GDPD4: variants seen among roughly 807,000 people sequenced by gnomAD.
The protein encoded by GDPD4 is glycerophosphodiester phosphodiesterase domain containing 4.
GDPD4 carries 60 observed loss-of-function variants against 67.8 expected under a neutral mutation model. The ratio of observed to expected loss-of-function variants is 0.88; its 90% CI spans 0.72 to 1.10. GDPD4 has a LOEUF of 1.10. GDPD4 is among the 50% of genes least tolerant of loss of function. The pLI is 0.00. For missense variants in GDPD4, 623 were observed against 613.9 expected, an observed-to-expected ratio of 1.01 and a Z score of -0.16; for synonymous variants, 212 against 210.9, an observed-to-expected ratio of 1.00 and a Z score of -0.04.
At chr11:77,294,959 GCTTTTT>G (rs1203885659) in intron 1 of GDPD4, among the ~76,000 whole-genome samples, 1 of 94,318 alleles carries the variant, frequency 1.1e-5, no homozygotes, top group African/African-American at 4.0e-5. Flanking sequence ...CTACAACTTT[GCTTTTT>G]TTTTTTTTTT....
chr11:77,264,736 G>C (rs1025244219), intron 10 of GDPD4, among the ~76,000 whole-genome samples: 53 of 152,094 alleles, frequency 3.5e-4, no homozygotes, highest in African/African-American at 1.2e-3. Flanking sequence ...GGAGAACTGA[G>C]AGAAGGCAAA....
At chr11:77,244,790 C>T (rs1958748736) in intron 12 of GDPD4, among the ~76,000 whole-genome samples, 1 of 152,192 alleles carries the variant, frequency 6.6e-6, no homozygotes, top group South Asian at 2.1e-4. Flanking sequence ...GTTTCACTCA[C>T]AGCACTCCCA....
intron 10 of GDPD4, 60 bp from the exon 11 acceptor site, chr11:77,258,602 A>G (rs1959050928): frequency 6.6e-7 from 1 of 1,522,418 alleles, no homozygotes; most frequent in African/African-American, 1.4e-5. Flanking sequence ...CTACCTTGGT[A>G]GACAGGCTCC....
intron 14 of GDPD4, 144 bp downstream of exon 14, chr11:77,232,881 G>A (rs576423870): frequency 5.3e-4 from 345 of 646,128 alleles, no homozygotes; most frequent in Non-Finnish European, 8.1e-4. Context: ...CTGTGAGAAT[G>A]GAAAATACCA....
intron 11 of GDPD4, among the ~76,000 whole-genome samples, chr11:77,248,149 C>T (rs148667696): frequency 6.7e-5 from 10 of 150,344 alleles, no homozygotes; most frequent in African/African-American, 1.7e-4. Flanking sequence ...ACTGAATAGA[C>T]GATTCTGATA....
At chr11:77,299,545 G>C (rs919545180) in intron 1 of GDPD4, among the ~76,000 whole-genome samples, 4 of 152,086 alleles carry the variant, frequency 2.6e-5, no homozygotes, top group Admixed American at 2.0e-4. Flanking sequence ...AGAGTTTATT[G>C]CTCACACATC....
At chr11:77,256,362 T>G (rs551533013) in intron 11 of GDPD4, among the ~76,000 whole-genome samples, 1 of 152,326 alleles carries the variant, frequency 6.6e-6, no homozygotes, top group South Asian at 2.1e-4. Flanking sequence ...CTACATATAC[T>G]CAGAAACCTA....
chr11:77,241,772 A>T (rs1591539761), intron 13 of GDPD4, among the ~76,000 whole-genome samples: 1 of 151,334 alleles, frequency 6.6e-6, no homozygotes, highest in Admixed American at 6.6e-5. Flanking sequence ...GTGAAACCCC[A>T]TCTCTACTAA....
intron 1 of GDPD4, among the ~76,000 whole-genome samples, chr11:77,288,120 G>A (rs527843459): frequency 6.6e-6 from 1 of 152,200 alleles, no homozygotes; most frequent in African/African-American, 2.4e-5. Flanking sequence ...CACCACCAAT[G>A]CCTACCCACA....
At chr11:77,249,912 T>C (rs1456750100) in intron 11 of GDPD4, among the ~76,000 whole-genome samples, 1 of 152,226 alleles carries the variant, frequency 6.6e-6, no homozygotes, top group Non-Finnish European at 1.5e-5. Context: ...TTAAATTTCC[T>C]TAAGTTCCTC....
chr11:77,236,257 A>C lies in GDPD4; in HGVS notation c.1242-3085T>G, dbSNP rs1958566638. The stretch of plus-strand genomic sequence containing the variant: ...GTGCAGGTTTGTTACATATGTATAC[A>C]TGTGCCATGTTGGTTTTCTGCACCC... On this transcript the variant is annotated intron_variant, in intron 13 of 16. Coordinates refer to ENST00000315938, the MANE Select transcript of GDPD4 (RefSeq NM_182833.3). Among the ~76,000 whole-genome samples, 8 of 152,188 alleles carry C rather than the reference A, an allele frequency of 5.3e-5. No homozygotes were observed. In the South Asian group the frequency reaches 1.7e-3, roughly 32 times the overall value.
intron 13 of GDPD4, among the ~76,000 whole-genome samples, chr11:77,236,594 A>C (rs931692683): frequency 6.6e-6 from 1 of 152,228 alleles, no homozygotes; most frequent in African/African-American, 2.4e-5. Context: ...ATATTAATAC[A>C]AGAAAAAGTA....
intron 16 of GDPD4, among the ~76,000 whole-genome samples, chr11:77,224,880 C>T (rs1958296802): frequency 6.6e-6 from 1 of 151,438 alleles, no homozygotes; most frequent in African/African-American, 2.4e-5. Flanking sequence ...GGCAAGCCGA[C>T]TGCTTGAGGT....
At chr11:77,248,631 C>G (rs535615358) in intron 11 of GDPD4, among the ~76,000 whole-genome samples, 1 of 152,250 alleles carries the variant, frequency 6.6e-6, no homozygotes, top group South Asian at 2.1e-4. Flanking sequence ...TGTCTTTTTC[C>G]ATGTCCCAAT....
chr11:77,262,112 C>G (rs550638196), intron 10 of GDPD4, among the ~76,000 whole-genome samples: 10 of 152,344 alleles, frequency 6.6e-5, no homozygotes, highest in African/African-American at 1.9e-4. Flanking sequence ...GTTCCCCTTA[C>G]AAACTCTTAT....
intron 15 of GDPD4, among the ~76,000 whole-genome samples, chr11:77,228,321 A>AC (rs1958382312): frequency 6.9e-6 from 1 of 144,924 alleles, no homozygotes; most frequent in African/African-American, 2.9e-5. Flanking sequence ...ATATGGTGAA[A>AC]CCCCACCTCT....
At chr11:77,292,879 T>G (rs1188028841) in intron 1 of GDPD4, among the ~76,000 whole-genome samples, 1 of 152,132 alleles carries the variant, frequency 6.6e-6, no homozygotes, top group East Asian at 1.9e-4. Flanking sequence ...AGACAAAAAC[T>G]ACTGAAGCTC....
rs1434394495 is a variant in GDPD4 at position 77,228,738 on chromosome 11, C to T, written c.1472+412G>A. Among the ~76,000 whole-genome samples the T allele has an allele frequency of 2.0e-5, 3 of 152,148 alleles. No homozygotes were observed. The East Asian group carries it at 5.8e-4, about 29-fold the overall frequency. On this transcript the variant is annotated intron_variant, in intron 15 of 16. Transcript: ENST00000315938. ...TGGCCCAGAAAGAAGCAGTTGTTTT[C>T]CCAGGGTCACCTAGCAACTAAGGGA...
intron 11 of GDPD4, among the ~76,000 whole-genome samples, chr11:77,251,536 T>C (rs1053510460): frequency 2.0e-5 from 3 of 152,234 alleles, no homozygotes; most frequent in African/African-American, 7.2e-5. Flanking sequence ...AATACCTCAT[T>C]CTACTCTCTC....
Sources: gnomAD v4.1 joint callset for allele counts (sites outside exome capture counted in the v4.1 genomes callset) on GRCh38, gnomAD v4.1.1 for gene constraint, MANE v1.5 for transcripts, NCBI Gene and HGNC (gene_info 2026-07-23, HGNC 2026-07-21) for gene names.